The following WDR25 variants were observed in gnomAD, a reference collection of about 807,000 sequenced individuals.
WDR25 encodes the protein WD repeat-containing protein 25.
In WDR25, 35 loss-of-function variants were observed where a neutral mutation model predicts 47.7. The observed-to-expected ratio is 0.73, with a 90% CI of 0.56 to 0.97. The LOEUF (loss-of-function observed/expected upper bound fraction) is 0.97, where lower values mean the gene tolerates loss of function less well. WDR25 is among the 50% of genes least tolerant of loss of function. The pLI is 0.00. For synonymous variants in WDR25, 248 were observed against 278.9 expected, an observed-to-expected ratio of 0.89 and a Z score of 1.10; for missense variants, 634 against 704.7, an observed-to-expected ratio of 0.90 and a Z score of 1.14.
At chr14:100,400,320 C>T (rs558697080) in intron 2 of WDR25, among the ~76,000 whole-genome samples, 1 of 152,198 alleles carries the variant, frequency 6.6e-6, no homozygotes, top group African/African-American at 2.4e-5. Flanking sequence ...TTTGTGGTCC[C>T]CTCGGAGGGC....
chr14:100,422,367 A>G (rs951436245), intron 2 of WDR25, among the ~76,000 whole-genome samples: 2 of 152,084 alleles, frequency 1.3e-5, no homozygotes, highest in Non-Finnish European at 2.9e-5. Context: ...CTGAAACCAG[A>G]TTGCTCTGTG....
At chr14:100,510,517 C>T (rs1901272217) in intron 4 of WDR25, among the ~76,000 whole-genome samples, 1 of 151,666 alleles carries the variant, frequency 6.6e-6, no homozygotes, top group African/African-American at 2.4e-5. Context: ...GGGCGGATCA[C>T]CTGAGGTCAG....
At chr14:100,519,769 A>G (rs137921649) in intron 4 of WDR25, among the ~76,000 whole-genome samples, 133 of 139,234 alleles carry the variant, frequency 9.6e-4, no homozygotes, top group Non-Finnish European at 1.7e-3. Context: ...TATATATAGT[A>G]TATATATAGT....
At chr14:100,438,152 A>G (rs139175129) in intron 2 of WDR25, among the ~76,000 whole-genome samples, 119 of 152,312 alleles carry the variant, frequency 7.8e-4, no homozygotes, top group African/African-American at 2.8e-3. Flanking sequence ...CTAATTTCCA[A>G]GTCTTGTAAT....
At chr14:100,526,180 C>A in intron 5 of WDR25, 140 bp downstream of exon 5, 1 of 1,072,610 alleles carries the variant, frequency 9.3e-7, no homozygotes. Context: ...GTAGTCAGGT[C>A]TCAGCCTGCC....
intron 2 of WDR25, among the ~76,000 whole-genome samples, chr14:100,441,753 G>A (rs1421584877): frequency 1.3e-5 from 2 of 152,324 alleles, no homozygotes; most frequent in African/African-American, 4.8e-5. Context: ...AATGACAGTA[G>A]GAGGAAAGCC....
intron 2 of WDR25, among the ~76,000 whole-genome samples, chr14:100,454,255 A>G (rs1294928847): frequency 1.3e-5 from 2 of 152,144 alleles, no homozygotes; most frequent in Admixed American, 1.3e-4. Context: ...TGGCTCACCC[A>G]CAGAATAAAT....
At chr14:100,452,956 C>T (rs925507236) in intron 2 of WDR25, among the ~76,000 whole-genome samples, 3 of 152,070 alleles carry the variant, frequency 2.0e-5, no homozygotes, top group Admixed American at 6.6e-5. Context: ...AAACTTGAGA[C>T]ATCGGTTTTG....
At chr14:100,444,945 C>G (rs190549480) in intron 2 of WDR25, among the ~76,000 whole-genome samples, 1 of 152,340 alleles carries the variant, frequency 6.6e-6, no homozygotes, top group East Asian at 1.9e-4. Flanking sequence ...GCCCCGTTTT[C>G]TAGCTGTTGA....
chr14:100,475,415 G>A (rs571551517), intron 3 of WDR25, among the ~76,000 whole-genome samples: 7 of 152,176 alleles, frequency 4.6e-5, no homozygotes, highest in South Asian at 2.1e-4. Flanking sequence ...AAGAAAATGC[G>A]GTGAATATTC....
At position 100,473,234 on chromosome 14, in the gene WDR25, G is replaced by A. The variant is rs570003513; in HGVS notation, c.970+5066G>A. ...GTGGAGGTGAAATGAGTGAGTGGAT[G>A]GTAGACTCTTTGCTTATGTGACTCC... is the stretch of plus-strand genomic sequence containing the variant. On this transcript the variant is annotated intron_variant, in intron 3 of 6. Transcript: ENST00000402312. Among the ~76,000 whole-genome samples the A allele has an allele frequency of 8.5e-5, 13 of 152,260 alleles. No individual in the cohort carries two copies. The South Asian group carries it at 2.5e-3, about 29-fold the overall frequency.
intron 3 of WDR25, among the ~76,000 whole-genome samples, chr14:100,482,040 T>C (rs2140316816): frequency 6.6e-6 from 1 of 151,970 alleles, no homozygotes; most frequent in African/African-American, 2.4e-5. Context: ...AATTGAAATG[T>C]CTGCACGATC....
At chr14:100,454,551 T>A in intron 2 of WDR25, 1 of 856,306 alleles carries the variant, frequency 1.2e-6, no homozygotes, top group Non-Finnish European at 1.7e-6. Context: ...CTGAAGGTAT[T>A]GGAGAGCAAA....
intron 4 of WDR25, among the ~76,000 whole-genome samples, chr14:100,510,234 C>T (rs1389039164): frequency 6.6e-6 from 1 of 150,788 alleles, no homozygotes; most frequent in Non-Finnish European, 1.5e-5. Context: ...TGCACCACTG[C>T]ACTCCAGCCT....
intron 3 of WDR25, among the ~76,000 whole-genome samples, chr14:100,475,903 AT>A (rs1319879396): frequency 1.3e-5 from 2 of 151,926 alleles, no homozygotes; most frequent in Non-Finnish European, 2.9e-5. Flanking sequence ...TATATATAAA[AT>A]TATTTATCAA....
intron 3 of WDR25, among the ~76,000 whole-genome samples, chr14:100,482,071 T>C (rs1325453976): frequency 6.6e-6 from 1 of 151,904 alleles, no homozygotes; most frequent in African/African-American, 2.4e-5. Flanking sequence ...AAAATCTCAA[T>C]TATGAAAGAG....
chr14:100,382,271 G>A (rs866636279), intron 2 of WDR25: 8 of 674,452 alleles, frequency 1.2e-5, no homozygotes, highest in Middle Eastern at 3.3e-4. Context: ...AGGTGCTCTG[G>A]GAGCCCAACG....
At chr14:100,385,223 C>T (rs1164283357) in intron 2 of WDR25, among the ~76,000 whole-genome samples, 1 of 152,182 alleles carries the variant, frequency 6.6e-6, no homozygotes, top group Non-Finnish European at 1.5e-5. Context: ...AAATTGTGTA[C>T]ATGTTAAGTG....
chr14:100,487,982 T>G (rs1223039307), intron 4 of WDR25, among the ~76,000 whole-genome samples: 2 of 152,290 alleles, frequency 1.3e-5, no homozygotes, highest in East Asian at 3.9e-4. Flanking sequence ...AACATACAAC[T>G]TTTTAGTTAC....
Sources: gnomAD v4.1 joint callset for allele counts (sites outside exome capture counted in the v4.1 genomes callset) on GRCh38, gnomAD v4.1.1 for gene constraint, MANE v1.5 for transcripts, NCBI Gene and HGNC (gene_info 2026-07-23, HGNC 2026-07-21) for gene names.